The following SHANK2 variants were observed in gnomAD, a reference collection of about 807,000 sequenced individuals.
SHANK2 encodes the protein SH3 and multiple ankyrin repeat domains protein 2.
SHANK2 carries 43 observed loss-of-function variants against 133.7 expected under a neutral mutation model. The ratio of observed to expected loss-of-function variants is 0.32; its 90% CI spans 0.25 to 0.41. The LOEUF is 0.41. SHANK2 is among the 10% of genes least tolerant of loss of function. The pLI, the probability that SHANK2 is intolerant of heterozygous loss-of-function variation, is 1.00. For synonymous variants in SHANK2, 1,017 were observed against 952.8 expected, an observed-to-expected ratio of 1.07 and a Z score of -1.24; for missense variants, 1,994 against 2,235.8, an observed-to-expected ratio of 0.89 and a Z score of 2.18.
intron 15 of SHANK2, among the ~76,000 whole-genome samples, chr11:70,673,669 C>T (rs1944857340): frequency 6.6e-6 from 1 of 152,252 alleles, no homozygotes; most frequent in South Asian, 2.1e-4. Context: ...GGTCCCCCCA[C>T]CAGGATCACC....
intron 10 of SHANK2, among the ~76,000 whole-genome samples, chr11:70,953,605 G>A (rs1950875796): frequency 6.6e-6 from 1 of 152,068 alleles, no homozygotes; most frequent in African/African-American, 2.4e-5. Context: ...GAAGCCAGGA[G>A]ACCCAGCAGG....
intron 17 of SHANK2, among the ~76,000 whole-genome samples, chr11:70,524,040 C>T (rs1208309135): frequency 6.6e-6 from 1 of 152,192 alleles, no homozygotes; most frequent in Non-Finnish European, 1.5e-5. Flanking sequence ...CAGCCAGTGT[C>T]AACTGAGCAC....
chr11:70,733,114 C>T (rs28510212), intron 14 of SHANK2, among the ~76,000 whole-genome samples: 58,798 of 151,924 alleles, frequency 0.39, 11,525 homozygotes, highest in African/African-American at 0.41. Flanking sequence ...GACAGAAAGA[C>T]GTGTCACATG....
At chr11:71,251,194 AC>A (rs1172680474) in intron 1 of SHANK2, among the ~76,000 whole-genome samples, 1 of 151,076 alleles carries the variant, frequency 6.6e-6, no homozygotes, top group Non-Finnish European at 1.5e-5. Flanking sequence ...ACCCACGGTC[AC>A]CTGCACCACC....
chr11:70,763,371 G>C (rs920698318), intron 14 of SHANK2, among the ~76,000 whole-genome samples: 1 of 152,168 alleles, frequency 6.6e-6, no homozygotes, highest in Non-Finnish European at 1.5e-5. Context: ...TTTGCTGGCA[G>C]GGGTGGAGCT....
intron 2 of SHANK2, among the ~76,000 whole-genome samples, chr11:71,181,650 G>A (rs1287232846): frequency 6.6e-6 from 1 of 152,024 alleles, no homozygotes; most frequent in Non-Finnish European, 1.5e-5. Context: ...CAAGCAAGGC[G>A]CCCGCTCATG....
At chr11:70,813,171 C>T (rs1334929027) in intron 12 of SHANK2, among the ~76,000 whole-genome samples, 1 of 152,086 alleles carries the variant, frequency 6.6e-6, no homozygotes, top group Non-Finnish European at 1.5e-5. Flanking sequence ...TCAGCAGATG[C>T]ATTTCCGCCC....
Position 70,473,539 on chromosome 11 carries a change from T to C in SHANK2, c.4980-100A>G. 5 of 1,150,836 alleles carry C rather than the reference T, an allele frequency of 4.3e-6. No individual in the cohort carries two copies. The highest frequency in any genetic ancestry group is 5.1e-6 in the Non-Finnish European group (4 of 789,508). 71.3% of individuals were successfully genotyped at this position (1,150,836 alleles called of 1,614,324 possible). On this transcript the variant is annotated intron_variant, in intron 25 of 25. Transcript: ENST00000601538. This position sits in a 1 kb window ranked among gnomAD's most constrained non-coding sequence, Gnocchi z 5.9. ...GAAGGCGAGGGAGACGCCCAAACCATGCCAGAGTGTCTAGTGGCAGATCCA... is the reference window on the plus strand; with the variant it reads ...GAAGGCGAGGGAGACGCCCAAACCACGCCAGAGTGTCTAGTGGCAGATCCA...
At chr11:71,126,298 G>A (rs1952185707) in intron 3 of SHANK2, among the ~76,000 whole-genome samples, 1 of 148,992 alleles carries the variant, frequency 6.7e-6, no homozygotes, top group Admixed American at 6.7e-5. Context: ...AAGCCTGGAT[G>A]ACAGCACATC....
chr11:71,186,523 G>A (rs782315631), intron 2 of SHANK2, among the ~76,000 whole-genome samples: 45 of 152,302 alleles, frequency 3.0e-4, no homozygotes, highest in Non-Finnish European at 5.7e-4. Flanking sequence ...CCAGGGCACC[G>A]TGTGCCCACA....
At chr11:71,164,376 C>T (rs1224698353) in intron 2 of SHANK2, among the ~76,000 whole-genome samples, 1 of 152,224 alleles carries the variant, frequency 6.6e-6, no homozygotes. Flanking sequence ...TAGGCCACTG[C>T]AGAGAAGACA....
chr11:70,618,800 G>T lies in SHANK2; in HGVS notation c.2061+41028C>A, dbSNP rs548650380. Among the ~76,000 whole-genome samples, 3 of 152,264 alleles carry T rather than the reference G, an allele frequency of 2.0e-5. No individual in the cohort carries two copies. The East Asian group carries it at 5.8e-4, about 29-fold the overall frequency. On this transcript the variant is annotated intron_variant, in intron 17 of 25. Transcript: ENST00000601538. ...AAATAAACCTGAGCTTGGAAAACTG[G>T]GCAGGTGACCCTGGAAAGGCCCGGA...
intron 14 of SHANK2, among the ~76,000 whole-genome samples, chr11:70,778,035 C>T (rs1170323519): frequency 6.6e-6 from 1 of 152,176 alleles, no homozygotes; most frequent in African/African-American, 2.4e-5. Context: ...TGGTGCTTTC[C>T]AGTTTGAATT....
intron 14 of SHANK2, among the ~76,000 whole-genome samples, chr11:70,744,781 C>A (rs1309820739): frequency 6.6e-6 from 1 of 152,230 alleles, no homozygotes; most frequent in Non-Finnish European, 1.5e-5. Context: ...CTGGGCCACA[C>A]CCCACCTCAG....
At chr11:71,173,718 G>T (rs1274500008) in intron 2 of SHANK2, among the ~76,000 whole-genome samples, 1 of 152,246 alleles carries the variant, frequency 6.6e-6, no homozygotes, top group African/African-American at 2.4e-5. Flanking sequence ...ATTTGCAGAT[G>T]TAATTAGTCA....
At chr11:70,592,053 A>G (rs2060331007) in intron 17 of SHANK2, among the ~76,000 whole-genome samples, 1 of 152,088 alleles carries the variant, frequency 6.6e-6, no homozygotes, top group Non-Finnish European at 1.5e-5. Flanking sequence ...AAATAAATAA[A>G]AAATAAAAAT....
chr11:71,163,432 G>A (rs1953069075), intron 2 of SHANK2, among the ~76,000 whole-genome samples: 1 of 152,190 alleles, frequency 6.6e-6, no homozygotes, highest in South Asian at 2.1e-4. Flanking sequence ...ATCTCAGTGG[G>A]TGAGAACACG....
At chr11:70,806,766 C>T (rs1948170124) in intron 13 of SHANK2, among the ~76,000 whole-genome samples, 2 of 152,352 alleles carry the variant, frequency 1.3e-5, no homozygotes, top group East Asian at 3.9e-4. Context: ...AATCTCATTC[C>T]CAGTGGACGT....
chr11:71,167,443 G>A (rs1555111169), intron 2 of SHANK2, among the ~76,000 whole-genome samples: 2 of 145,388 alleles, frequency 1.4e-5, no homozygotes, highest in African/African-American at 2.5e-5. Flanking sequence ...TCCCAGACGG[G>A]GCGGCTGGCC....
Sources: allele counts gnomAD v4.1 joint callset (sites outside exome capture counted in the v4.1 genomes callset), GRCh38; gene constraint gnomAD v4.1.1; non-coding constraint Gnocchi (gnomAD v3.1); transcripts MANE v1.5; gene names NCBI Gene and HGNC (gene_info 2026-07-23, HGNC 2026-07-21).